The following NPIPA5 variants were observed in gnomAD, a reference collection of about 807,000 sequenced individuals.
NPIPA5 encodes the protein nuclear pore complex interacting protein family member A5, also known as nuclear pore complex-interacting protein family member A5.
Under a neutral mutation model 21.4 loss-of-function variants are expected in NPIPA5, and 6 were observed. The ratio of observed to expected loss-of-function variants is 0.28; its 90% CI spans 0.15 to 0.55. The LOEUF (loss-of-function observed/expected upper bound fraction) is 0.55. Among genes scored for constraint, NPIPA5 ranks in the 20% least tolerant of loss-of-function variants. The pLI is 0.93. For missense variants in NPIPA5, 99 were observed against 318.2 expected, an observed-to-expected ratio of 0.31 and a Z score of 5.24; for synonymous variants, 33 against 115.3, an observed-to-expected ratio of 0.29 and a Z score of 4.57.
chr16:15,374,405 G>C (rs1371010226), intron 1 of NPIPA5, among the ~76,000 whole-genome samples: 4 of 151,720 alleles, frequency 2.6e-5, no homozygotes, highest in Admixed American at 6.6e-5. Flanking sequence ...CACCATGTTG[G>C]CCAGTCTGGC....
chr16:15,367,580 T>C (rs2050012519), intron 4 of NPIPA5, among the ~76,000 whole-genome samples: 1 of 151,774 alleles, frequency 6.6e-6, no homozygotes, highest in South Asian at 2.1e-4. Context: ...ATGGTCGTGA[T>C]CCTAAGGATC....
intron 1 of NPIPA5, among the ~76,000 whole-genome samples, chr16:15,376,675 G>T (rs2050302508): frequency 6.6e-6 from 1 of 152,176 alleles, no homozygotes; most frequent in Non-Finnish European, 1.5e-5. Context: ...TCCCAGCACT[G>T]GGAGGCTGAG....
At chr16:15,370,357 T>C (rs1274039904) in intron 2 of NPIPA5, among the ~76,000 whole-genome samples, 3 of 129,840 alleles carry the variant, frequency 2.3e-5, no homozygotes, top group Non-Finnish European at 4.9e-5. Flanking sequence ...AGCTGGGAGG[T>C]GGAGGTTGCA....
intron 2 of NPIPA5, among the ~76,000 whole-genome samples, chr16:15,370,941 G>A (rs1471122112): frequency 1.6e-4 from 21 of 133,314 alleles, no homozygotes; most frequent in African/African-American, 2.1e-4. Context: ...CAGCTACTCC[G>A]GAGGCTGAGG....
chr16:15,363,644 T>C lies in NPIPA5; in HGVS notation c.*15A>G, dbSNP rs1265270802. 14 of 1,516,888 alleles carry C rather than the reference T, an allele frequency of 9.2e-6. 1 individual carries two copies. The highest frequency in any genetic ancestry group is 1.4e-5 in the African/African-American group (1 of 71,616). The allele number at this position is 1,516,888 out of a possible 1,614,324, so 94.0% of individuals were successfully genotyped here. On this transcript the variant is annotated 3_prime_UTR_variant, in exon 8 of 8. Transcript: ENST00000360151. Reference sequence around the variant, plus strand: ...CAGTATTCATTTTATTTTTATATTATTTATTTATTCTTCATTAGTTTCTTG... The same window carrying C: ...CAGTATTCATTTTATTTTTATATTACTTATTTATTCTTCATTAGTTTCTTG...
In NPIPA5 at chr16:15,369,175, C is replaced by G. The variant is rs370854476; in HGVS notation, c.437+537G>C. ...TCAAAATTAAAAAAAAAAAAAAAAG[C>G]CTGGGTGTGGTGGCTCATGCCTCTA... On this transcript the variant is annotated intron_variant, in intron 4 of 7. Coordinates refer to ENST00000360151, the MANE Select transcript of NPIPA5 (RefSeq NM_001277325.2). Among the ~76,000 whole-genome samples the G allele has an allele frequency of 7.1e-4, 104 of 146,092 alleles. 2 individuals are homozygous for G. The East Asian group carries it at 0.02, about 28-fold the overall frequency.
chr16:15,363,841 T>A lies in NPIPA5; in HGVS notation c.871A>T (p.Thr291Ser), dbSNP rs573358226. Residue 291 changes from threonine to serine, a missense_variant, in exon 8 of 8, where the codon ACT becomes TCT. Coordinates refer to ENST00000360151, the MANE Select transcript of NPIPA5 (RefSeq NM_001277325.2). ...GGTAGAGCTGAGGGTGGAAGGGGAG[T>A]GAGCAGACACTCGGGAGGTGTCTTG... ...NLKTPPECLL[T>S]PLPPSALPSA... The A allele has an allele frequency of 7.6e-6, 12 of 1,577,596 alleles. No individual in the cohort carries two copies. Among genetic ancestry groups the A allele is most frequent in the East Asian group, 2.4e-5 (1 of 42,138 alleles).
At chr16:15,370,680 G>A (rs1378825542) in intron 2 of NPIPA5, among the ~76,000 whole-genome samples, 1 of 140,794 alleles carries the variant, frequency 7.1e-6, no homozygotes, top group Non-Finnish European at 1.5e-5. Flanking sequence ...GAACCCAGCA[G>A]GAAAAGGTTG....
intron 2 of NPIPA5, among the ~76,000 whole-genome samples, chr16:15,370,340 C>G (rs1238189210): frequency 2.1e-5 from 3 of 141,974 alleles, no homozygotes; most frequent in Non-Finnish European, 4.6e-5. Flanking sequence ...GGCAGAGAAC[C>G]GTTTGAAGCT....
At position 15,367,747 on chromosome 16, in the gene NPIPA5, G is replaced by A. The variant is rs372302963; in HGVS notation, c.438-987C>T. The stretch of plus-strand genomic sequence containing the variant: ...TCTGGAGTGGCCTCAAACAAGGAGT[G>A]TGTGGTGAGGTGCTGACAATGCAAT... On this transcript the variant is annotated intron_variant, in intron 4 of 7. Transcript: ENST00000360151. Among the ~76,000 whole-genome samples the A allele has an allele frequency of 1.9e-4, 26 of 133,548 alleles. No homozygotes were observed. In the East Asian group the frequency reaches 3.7e-3, roughly 19 times the overall value. 87.6% of individuals were successfully genotyped at this position (133,548 alleles called of 152,430 possible).
rs1304138334 is a variant in NPIPA5 at position 15,371,837 on chromosome 16, GT to G, written c.193-1719del. On this transcript the variant is annotated intron_variant, in intron 2 of 7. Transcript: ENST00000360151. ...ATCTTTCAAATTCTTTGTAGAATTT[GT>G]TTTTTCCTGATTTCTGCACATAGGA... Among the ~76,000 whole-genome samples, 2 of 143,678 alleles carry G rather than the reference GT, an allele frequency of 1.4e-5. 1 individual carries two copies. Among genetic ancestry groups the G allele is most frequent in the Non-Finnish European group, 3.1e-5 (2 of 65,394 alleles). 94.3% of individuals were successfully genotyped at this position (143,678 alleles called of 152,430 possible).
chr16:15,381,272 C>G (rs1323596767), upstream of NPIPA5: 1 of 153,924 alleles, frequency 6.5e-6, no homozygotes, highest in African/African-American at 2.5e-5. Context: ...CTGTGTGAAA[C>G]AGGAACAATA....
At chr16:15,365,955 G>C (rs1046724921) in intron 5 of NPIPA5, among the ~76,000 whole-genome samples, 2 of 58,100 alleles carry the variant, frequency 3.4e-5, no homozygotes, top group African/African-American at 9.2e-5. Context: ...TGTAATCCCA[G>C]CTACTCGGGA....
chr16:15,372,644 G>C (rs368670276), intron 2 of NPIPA5, among the ~76,000 whole-genome samples: 1 of 145,450 alleles, frequency 6.9e-6, no homozygotes, highest in Non-Finnish European at 1.5e-5. Context: ...GCCAAATGAC[G>C]TGTAATTATC....
rs532727756 is a variant in NPIPA5 at position 15,367,158 on chromosome 16, G to A, written c.438-398C>T. On this transcript the variant is annotated intron_variant, in intron 4 of 7. Transcript: ENST00000360151. ...CCAATTCATCACAACTAACTCCATC[G>A]GAAGCAGAGGATTGCTCCTCATCTG... Among the ~76,000 whole-genome samples, 112 of 152,176 alleles carry A rather than the reference G, an allele frequency of 7.4e-4. 1 individual carries two copies. Among genetic ancestry groups the A allele is most frequent in the African/African-American group, 2.0e-3 (81 of 41,488 alleles).
At chr16:15,380,247 T>C (rs2050407751), upstream of NPIPA5, among the ~76,000 whole-genome samples, 1 of 151,930 alleles carries the variant, frequency 6.6e-6, no homozygotes, top group Admixed American at 6.6e-5. Flanking sequence ...TACTGTAGAA[T>C]GTATTTCTTA....
chr16:15,380,204 T>A (rs1349855270), upstream of NPIPA5, among the ~76,000 whole-genome samples: 1 of 152,084 alleles, frequency 6.6e-6, no homozygotes, highest in African/African-American at 2.4e-5. Flanking sequence ...ATGTGGTTAA[T>A]TCTTTTATTC....
At chr16:15,376,924 A>G (rs925514482) in intron 1 of NPIPA5, among the ~76,000 whole-genome samples, 2 of 152,098 alleles carry the variant, frequency 1.3e-5, no homozygotes, top group African/African-American at 4.8e-5. Context: ...CAGTGAGCCG[A>G]GATCTTGCCA....
At chr16:15,367,334 CG>C (rs1439486490) in intron 4 of NPIPA5, among the ~76,000 whole-genome samples, 4 of 152,070 alleles carry the variant, frequency 2.6e-5, no homozygotes, top group Non-Finnish European at 4.4e-5. Flanking sequence ...CTCTTGTCAT[CG>C]ACTTTAAAGA....
Sources: gnomAD v4.1 joint callset for allele counts (sites outside exome capture counted in the v4.1 genomes callset) on GRCh38, gnomAD v4.1.1 for gene constraint, MANE v1.5 for transcripts, NCBI Gene and HGNC (gene_info 2026-07-23, HGNC 2026-07-21) for gene names.